The following AGBL4 variants were observed in gnomAD, a reference collection of about 807,000 sequenced individuals.
The protein encoded by AGBL4 is AGBL carboxypeptidase 4.
AGBL4 carries 58 observed loss-of-function variants against 66.4 expected under a neutral mutation model. The observed-to-expected ratio is 0.87, with a 90% CI of 0.71 to 1.09. AGBL4 has a LOEUF of 1.09. AGBL4 is among the 50% of genes least tolerant of loss of function. AGBL4 has a pLI of 0.00. For synonymous variants in AGBL4, 234 were observed against 222.9 expected (o/e 1.05, Z -0.44); for missense variants, 579 against 631.0 (o/e 0.92, Z 0.88).
At chr1:49,224,673 A>G (rs1341432468) in intron 4 of AGBL4, among the ~76,000 whole-genome samples, 1 of 152,074 alleles carries the variant, frequency 6.6e-6, no homozygotes, top group East Asian at 1.9e-4. Context: ...GCAGTACCAA[A>G]AAACTCAGTT....
intron 6 of AGBL4, among the ~76,000 whole-genome samples, chr1:48,754,687 T>C (rs1046134101): frequency 2.0e-5 from 3 of 152,178 alleles, no homozygotes; most frequent in African/African-American, 4.8e-5. Flanking sequence ...ATTTTGACAG[T>C]GGAGGAAAGT....
chr1:49,581,394 A>T (rs1644538711), intron 3 of AGBL4, among the ~76,000 whole-genome samples: 1 of 152,056 alleles, frequency 6.6e-6, no homozygotes, highest in African/African-American at 2.4e-5. Context: ...TGTTTCTTTG[A>T]GGGCATCATA....
At chr1:48,844,214 C>T (rs574891931) in intron 6 of AGBL4, among the ~76,000 whole-genome samples, 1 of 152,192 alleles carries the variant, frequency 6.6e-6, no homozygotes, top group Non-Finnish European at 1.5e-5. Context: ...TCCTCCTCTG[C>T]TTCCAAGACC....
intron 1 of AGBL4, among the ~76,000 whole-genome samples, chr1:49,901,842 C>A (rs1430723671): frequency 6.6e-6 from 1 of 152,106 alleles, no homozygotes; most frequent in African/African-American, 2.4e-5. Flanking sequence ...AAAACAGACA[C>A]ATAGACCAAA....
intron 5 of AGBL4, among the ~76,000 whole-genome samples, chr1:48,915,860 A>G (rs568102610): frequency 1.4e-4 from 22 of 152,304 alleles, no homozygotes; most frequent in African/African-American, 5.3e-4. Context: ...TAAGATTTAG[A>G]TACTAAGAAA....
intron 3 of AGBL4, among the ~76,000 whole-genome samples, chr1:49,411,979 A>G (rs1645325237): frequency 6.6e-6 from 1 of 152,202 alleles, no homozygotes; most frequent in African/African-American, 2.4e-5. Context: ...TATTTGGAAA[A>G]TACTAAGTAC....
At chr1:49,738,895 C>T (rs932022493) in intron 2 of AGBL4, among the ~76,000 whole-genome samples, 6 of 152,168 alleles carry the variant, frequency 3.9e-5, no homozygotes, top group Admixed American at 6.5e-5. Flanking sequence ...GATACCAAAA[C>T]CTCATCTGTA....
At chr1:48,835,217 C>A (rs1361111549) in intron 6 of AGBL4, among the ~76,000 whole-genome samples, 1 of 152,042 alleles carries the variant, frequency 6.6e-6, no homozygotes, top group Non-Finnish European at 1.5e-5. Context: ...GTCAGTCTAC[C>A]CTGCCAAAAT....
chr1:49,957,758 C>A (rs116533850), intron 1 of AGBL4, among the ~76,000 whole-genome samples: 3,998 of 152,138 alleles, frequency 0.026, 68 homozygotes, highest in Middle Eastern at 0.041. Context: ...GTGTGTCCTG[C>A]ACTTGAGATG....
At chr1:49,248,576 T>C (rs978701061) in intron 3 of AGBL4, among the ~76,000 whole-genome samples, 1 of 151,820 alleles carries the variant, frequency 6.6e-6, no homozygotes, top group African/African-American at 2.4e-5. Flanking sequence ...CCAGTTACCC[T>C]TGAGATTGAA....
intron 4 of AGBL4, among the ~76,000 whole-genome samples, chr1:49,142,884 T>G (rs1459124076): frequency 6.6e-6 from 1 of 152,212 alleles, no homozygotes; most frequent in African/African-American, 2.4e-5. Context: ...AAGTCAGATA[T>G]TATTCCCATT....
At chr1:49,167,056 C>A (rs1013245982) in intron 4 of AGBL4, among the ~76,000 whole-genome samples, 3 of 152,172 alleles carry the variant, frequency 2.0e-5, no homozygotes, top group Admixed American at 1.3e-4. Flanking sequence ...TCTTACCTAA[C>A]CTTTTCCACA....
At chr1:48,955,863 G>A (rs944260635) in intron 5 of AGBL4, among the ~76,000 whole-genome samples, 4 of 152,242 alleles carry the variant, frequency 2.6e-5, no homozygotes, top group African/African-American at 4.8e-5. Context: ...TATAACACAG[G>A]TGTAAAATGT....
rs1024382206 is a variant in AGBL4, at chr1:49,195,656, T to G, written c.377+50114A>C. Among the ~76,000 whole-genome samples, 15 of 152,324 alleles carry G rather than the reference T, an allele frequency of 9.8e-5. 1 individual carries two copies. The highest frequency in any genetic ancestry group is 5.2e-4 in the Admixed American group (8 of 15,298). On this transcript the variant is annotated intron_variant, in intron 4 of 13. Transcript: ENST00000371839. ...TATAAAGTCAATTTTGCAATGTATT[T>G]TCCGGGTGATCTTGGACCTCTTGTA...
intron 2 of AGBL4, among the ~76,000 whole-genome samples, chr1:49,818,801 C>T (rs548603797): frequency 7.2e-5 from 11 of 152,138 alleles, no homozygotes; most frequent in African/African-American, 1.7e-4. Context: ...GATGTAAGAG[C>T]GTGGAGCTTG....
intron 2 of AGBL4, among the ~76,000 whole-genome samples, chr1:49,721,655 A>G (rs1648621210): frequency 6.6e-6 from 1 of 152,154 alleles, no homozygotes; most frequent in Non-Finnish European, 1.5e-5. Flanking sequence ...TGAGACTTGT[A>G]AAAAGCTTGA....
intron 4 of AGBL4, among the ~76,000 whole-genome samples, chr1:49,217,702 T>C (rs930149406): frequency 4.3e-4 from 65 of 152,112 alleles, no homozygotes; most frequent in African/African-American, 1.5e-3. Flanking sequence ...GTTGAATGAG[T>C]GAATAAACAA....
At chr1:48,893,509 G>A (rs895630533) in intron 5 of AGBL4, among the ~76,000 whole-genome samples, 10 of 151,504 alleles carry the variant, frequency 6.6e-5, no homozygotes, top group Middle Eastern at 3.4e-3. Flanking sequence ...GTGAAACCCC[G>A]TCTCTACTAA....
intron 3 of AGBL4, among the ~76,000 whole-genome samples, chr1:49,371,233 A>G (rs1644335369): frequency 7.5e-6 from 1 of 133,180 alleles, no homozygotes; most frequent in African/African-American, 3.3e-5. Context: ...AGATATATAG[A>G]TAGATAGATA....
Sources: allele counts gnomAD v4.1 joint callset (sites outside exome capture counted in the v4.1 genomes callset), GRCh38; gene constraint gnomAD v4.1.1; transcripts MANE v1.5; gene names NCBI Gene and HGNC (gene_info 2026-07-23, HGNC 2026-07-21).